Variants in ZBED6 observed in about 807,000 individuals in gnomAD.
ZBED6 encodes the protein zinc finger BED domain-containing protein 6.
A neutral mutation model predicts 58.4 loss-of-function variants in ZBED6; 40 were observed. The observed-to-expected ratio is 0.68, with a 90% CI of 0.53 to 0.89. The LOEUF (loss-of-function observed/expected upper bound fraction) is 0.89. Ranked by LOEUF, ZBED6 falls within the 40% of genes least tolerant of loss-of-function variation. The probability of loss-of-function intolerance (pLI) is 0.00; values close to 1 mark genes in which losing one functional copy is unlikely to be tolerated. For missense variants in ZBED6, 1,057 were observed against 1,003.9 expected, an observed-to-expected ratio of 1.05 and a Z score of -0.71; for synonymous variants, 439 against 350.6, an observed-to-expected ratio of 1.25 and a Z score of -2.82.
chr1:203,840,763 AGCTAGAAT>A (rs933935181), intron 11 of ZBED6, among the ~76,000 whole-genome samples: 1 of 151,874 alleles, frequency 6.6e-6, no homozygotes, highest in African/African-American at 2.4e-5. Flanking sequence ...CCTACCGAGT[AGCTAGAAT>A]TACAGGCGTA....
exon 4 of ZBED6, chr1:203,828,308 A>G (rs745947368): frequency 6.2e-7 from 1 of 1,614,130 alleles, no homozygotes; most frequent in Non-Finnish European, 8.5e-7. Context: ...GAAAAAACGC[A>G]GTGAAATTCC....
At chr1:203,839,510 T>A (rs1215864508) in intron 10 of ZBED6, among the ~76,000 whole-genome samples, 2 of 152,216 alleles carry the variant, frequency 1.3e-5, no homozygotes, top group Non-Finnish European at 2.9e-5. Context: ...ATAAGAAACT[T>A]CTTTTAATTT....
chr1:203,849,974 C>T (rs1214754172), exon 14 of ZBED6: 1 of 1,613,956 alleles, frequency 6.2e-7, no homozygotes. Flanking sequence ...GGATTGGAGA[C>T]TCATTATTGA....
chr1:203,846,115 C>CAAAA (rs34793133), intron 11 of ZBED6, among the ~76,000 whole-genome samples: 1 of 53,126 alleles, frequency 1.9e-5, no homozygotes, highest in Admixed American at 2.3e-4. Flanking sequence ...TCGTCTTTAC[C>CAAAA]AAAAAAAAAA....
exon 1 of ZBED6, chr1:203,798,773 G>A: frequency 2.0e-6 from 3 of 1,536,132 alleles, no homozygotes; most frequent in Non-Finnish European, 2.6e-6. Flanking sequence ...TTATCCAAAT[G>A]ATTGTGGAGG....
At chr1:203,838,039 T>G in exon 10 of ZBED6, 1 of 1,614,194 alleles carries the variant, frequency 6.2e-7, no homozygotes, top group Middle Eastern at 1.6e-4. Context: ...CTCCAGAAAC[T>G]AACATTGACA....
chr1:203,830,201 G>C (rs778339711), exon 7 of ZBED6: 1 of 1,597,532 alleles, frequency 6.3e-7, no homozygotes, highest in Non-Finnish European at 8.5e-7. Context: ...AAGAAGCAAG[G>C]TGGTAAGTCA....
At chr1:203,806,923 C>G (rs1450233836) in intron 1 of ZBED6, among the ~76,000 whole-genome samples, 2 of 129,458 alleles carry the variant, frequency 1.5e-5, no homozygotes, top group African/African-American at 5.8e-5. Flanking sequence ...TGAAGTCTTT[C>G]AAAAATTACT....
In ZBED6 at chr1:203,798,405, G is replaced by C. The variant is rs1053272593; in HGVS notation, c.883G>C (p.Gly295Arg). ...TATATGTAAAAGAAGTGTGAGCCGG[G>C]GTAGGCCAGGGTCCCACTTAGGGAC... The change falls in exon 1 of 17, where the codon GGT becomes CGT. Residue 295 changes from glycine (G) to arginine (R), a missense_variant. Coordinates refer to ENST00000550078, the Ensembl canonical transcript of ZBED6. The C allele has an allele frequency of 6.5e-7, 1 of 1,533,832 alleles. No homozygotes were observed. Among genetic ancestry groups the C allele is most frequent in the Non-Finnish European group, 8.7e-7 (1 of 1,144,854 alleles).
chr1:203,830,616 T>A (rs1041496420), intron 7 of ZBED6, among the ~76,000 whole-genome samples: 1 of 152,002 alleles, frequency 6.6e-6, no homozygotes, highest in Non-Finnish European at 1.5e-5. Flanking sequence ...ATCCAGACCA[T>A]CCTGGCCAAC....
chr1:203,820,917 A>C (rs566267353), intron 3 of ZBED6, among the ~76,000 whole-genome samples: 1 of 152,222 alleles, frequency 6.6e-6, no homozygotes, highest in South Asian at 2.1e-4. Flanking sequence ...TAATTAATAA[A>C]TATTTTGTGG....
chr1:203,840,605 A>ATTATTTATTTATTTATTTAT (rs534962124), intron 11 of ZBED6, among the ~76,000 whole-genome samples: 42 of 147,696 alleles, frequency 2.8e-4, no homozygotes, highest in African/African-American at 8.6e-4. Flanking sequence ...ATAGTAGGAA[A>ATTATTTATTTATTTATTTAT]TTATTTATTT....
chr1:203,807,787 A>G (rs1323674479), intron 1 of ZBED6, among the ~76,000 whole-genome samples: 1 of 151,782 alleles, frequency 6.6e-6, no homozygotes, highest in Non-Finnish European at 1.5e-5. Flanking sequence ...TGTTGCGCAG[A>G]CCAGAGTGCA....
chr1:203,809,321 G>A (rs1480673153), intron 1 of ZBED6, among the ~76,000 whole-genome samples: 2 of 151,600 alleles, frequency 1.3e-5, no homozygotes, highest in Non-Finnish European at 2.9e-5. Flanking sequence ...GACAACAGGC[G>A]CACACTACCG....
exon 4 of ZBED6, chr1:203,828,344 G>C: frequency 6.2e-7 from 1 of 1,614,080 alleles, no homozygotes; most frequent in African/African-American, 1.3e-5. Context: ...TCAGCCAACA[G>C]GATGTCAAAA....
At chr1:203,845,580 C>T (rs1687663767) in intron 11 of ZBED6, among the ~76,000 whole-genome samples, 1 of 152,098 alleles carries the variant, frequency 6.6e-6, no homozygotes, top group African/African-American at 2.4e-5. Flanking sequence ...TTGAAACTAA[C>T]CAGGCCTGGC....
chr1:203,817,232 C>A, intron 2 of ZBED6, 108 bp downstream of exon 2: 2 of 847,914 alleles, frequency 2.4e-6, no homozygotes, highest in Non-Finnish European at 3.4e-6. Context: ...TATTTTTTGC[C>A]CAACTTTATT....
intron 11 of ZBED6, among the ~76,000 whole-genome samples, chr1:203,844,735 G>C (rs1687408894): frequency 6.6e-6 from 1 of 152,112 alleles, no homozygotes; most frequent in Non-Finnish European, 1.5e-5. Context: ...GAAGATGGGA[G>C]GTCTGGGGGC....
intron 1 of ZBED6, among the ~76,000 whole-genome samples, chr1:203,803,866 C>G (rs1031353372): frequency 2.0e-5 from 3 of 152,100 alleles, no homozygotes; most frequent in Admixed American, 1.3e-4. Flanking sequence ...CTTGGCCAAC[C>G]AGTGTTGGGA....
Sources: allele counts gnomAD v4.1 joint callset (sites outside exome capture counted in the v4.1 genomes callset), GRCh38; gene constraint gnomAD v4.1.1; transcripts MANE v1.5; gene names NCBI Gene and HGNC (gene_info 2026-07-23, HGNC 2026-07-21).